USF3: variants seen among roughly 807,000 people sequenced by gnomAD.
USF3 encodes upstream transcription factor family member 3.
A neutral mutation model predicts 157.5 loss-of-function variants in USF3; 29 were observed. The ratio of observed to expected loss-of-function variants is 0.18; its 90% CI spans 0.14 to 0.25. The LOEUF (loss-of-function observed/expected upper bound fraction) is 0.25. USF3 is among the 10% of genes least tolerant of loss of function. The pLI is 1.00. For synonymous variants in USF3, 893 were observed against 941.4 expected, an observed-to-expected ratio of 0.95 and a Z score of 0.94; for missense variants, 2,381 against 2,667.6, an observed-to-expected ratio of 0.89 and a Z score of 2.37.
In USF3 at chr3:113,655,368, T is replaced by G; in HGVS notation, c.6314A>C (p.Asn2105Thr). The change falls in exon 7 of 7, where the codon AAT becomes ACT. Residue 2105 changes from asparagine (N) to threonine (T), a missense_variant. By Grantham distance (65) the Asn-to-Thr change is moderately conservative. Transcript: ENST00000316407. Reference protein sequence around the residue: ...TPALIPVDPQNTLPSFYPPYS... With the variant: ...TPALIPVDPQTTLPSFYPPYS... ...TGGAGGATAGAAGGAGGGCAGAGTA[T>G]TTTGCGGATCTACCGGGATGAGGGC... 6.2e-7 allele frequency: 1 copy of G among 1,613,958 alleles called. No individual in the cohort carries two copies. The highest frequency in any genetic ancestry group is 8.5e-7 in the Non-Finnish European group (1 of 1,179,958).
intron 6 of USF3, among the ~76,000 whole-genome samples, chr3:113,663,739 G>C (rs567755170): frequency 6.6e-6 from 1 of 152,254 alleles, no homozygotes; most frequent in East Asian, 1.9e-4. Flanking sequence ...TTTTCCCGCT[G>C]CTATAAGAAA....
In USF3 at chr3:113,688,206, C is replaced by T. The variant is rs148006406; in HGVS notation, c.-135+8164G>A. ...CGATCTTGGCTCTGTGCAACCTCCA[C>T]CTCCCGGGTTAAAGTGATTCTCTTA... is the stretch of plus-strand genomic sequence containing the variant. On this transcript the variant is annotated intron_variant, in intron 1 of 6. Transcript: ENST00000316407. Among the ~76,000 whole-genome samples the T allele has an allele frequency of 9.7e-3, 1,482 of 152,188 alleles. 22 individuals are homozygous for T. The highest frequency in any genetic ancestry group is 0.032 in the African/African-American group (1,322 of 41,506).
chr3:113,659,942 T>C lies in USF3; in HGVS notation c.1740A>G (p.Ile580Met), dbSNP rs199644196. 6.2e-7 allele frequency: 1 copy of C among 1,614,202 alleles called. No individual in the cohort carries two copies. The highest frequency in any genetic ancestry group is 1.7e-5 in the Admixed American group (1 of 60,020). The change falls in exon 7 of 7, where the codon ATA becomes ATG. Residue 580 changes from isoleucine (I) to methionine (M), a missense_variant. Physicochemically the swap from Ile to Met is conservative, Grantham distance 10 (BLOSUM62 1). Around this residue, in one of 6 missense-constraint regions of USF3, gnomAD observed 1,435 missense variants for 1,550.9 expected, o/e 0.93. Coordinates refer to ENST00000316407, the MANE Select transcript of USF3 (RefSeq NM_001009899.4). ...EVSNQTVGQQ[I>M]VIIQAANQNP... ...TCTGATTAGCAGCCTGTATGATTAC[T>C]ATCTGTTGACCTACTGTTTGGTTGG...
intron 6 of USF3, among the ~76,000 whole-genome samples, chr3:113,662,503 G>A (rs1379057451): frequency 6.6e-6 from 1 of 152,218 alleles, no homozygotes; most frequent in Non-Finnish European, 1.5e-5. Flanking sequence ...AACACCCTGT[G>A]AGGGAGCCTG....
chr3:113,681,842 C>T (rs1394948627), intron 1 of USF3, among the ~76,000 whole-genome samples: 1 of 150,492 alleles, frequency 6.6e-6, no homozygotes, highest in Non-Finnish European at 1.5e-5. Flanking sequence ...CCTCAGCCTC[C>T]CGAGTAGCTG....
In USF3 at chr3:113,657,498, C is replaced by T. The variant is rs1182910995; in HGVS notation, c.4184G>A (p.Gly1395Glu). ...TGGAAATAATCGTGTAAGGCCATCT[C>T]CATGAGCTGGGTTGCTAACAGGCAC... ...SVVPVSNPAHGDGLTRLFPPS... is the reference protein window; with the variant it reads ...SVVPVSNPAHEDGLTRLFPPS... The change falls in exon 7 of 7, where the codon GGA (glycine) becomes GAA (glutamate). Residue 1395 changes from glycine to glutamate, a missense_variant. By Grantham distance (98) the Gly-to-Glu change is moderately conservative. This residue lies in a region of USF3 where 1,435 missense variants were observed against 1,550.9 expected (regional missense o/e 0.93). Coordinates refer to ENST00000316407, the MANE Select transcript of USF3 (RefSeq NM_001009899.4). The T allele has an allele frequency of 1.9e-6, 3 of 1,614,128 alleles. No individual in the cohort carries two copies. The highest frequency in any genetic ancestry group is 2.5e-6 in the Non-Finnish European group (3 of 1,180,034).
intron 6 of USF3, among the ~76,000 whole-genome samples, chr3:113,662,216 G>C (rs1463482354): frequency 6.6e-6 from 1 of 152,220 alleles, no homozygotes; most frequent in Non-Finnish European, 1.5e-5. Flanking sequence ...AAAAGGAATA[G>C]AACACATAAG....
In USF3 at chr3:113,659,496, A is replaced by G. The variant is rs754838507; in HGVS notation, c.2186T>C (p.Leu729Ser). Residue 729 changes from leucine to serine, a missense_variant, in exon 7 of 7, where the codon TTG becomes TCG. Leu to Ser is a moderately radical substitution (Grantham distance 145). Coordinates refer to ENST00000316407, the MANE Select transcript of USF3 (RefSeq NM_001009899.4). ...SQMAGQSCVQ[L>S]SISQPANSQT... The stretch of plus-strand genomic sequence containing the variant: ...AGAATTGGCAGGCTGGCTAATAGAC[A>G]ATTGTACACAGCTTTGCCCAGCCAT... 2.5e-6 allele frequency: 4 copies of G among 1,614,234 alleles called. No homozygotes were observed.
chr3:113,657,350 A>G lies in USF3; in HGVS notation c.4332T>C (p.His1444=), dbSNP rs758610294. 3.1e-6 allele frequency: 5 copies of G among 1,613,722 alleles called. No individual in the cohort carries two copies. Among genetic ancestry groups the G allele is most frequent in the Non-Finnish European group, 4.2e-6 (5 of 1,179,858 alleles). The change falls in exon 7 of 7, where the codon CAT becomes CAC. Residue 1444 remains histidine, a synonymous_variant. Transcript: ENST00000316407. ...GGTGAGATACACCTTGAGCTGGAAC[A>G]TGCTGCTGCAGGGCCTGTAGATGCT... ...ASQHLQALQQ[H]VPAQGVSHLH... is the part of the protein sequence containing the mutation.
rs774994853 is a variant in USF3 at position 113,658,601 on chromosome 3, A to G, written c.3081T>C (p.Asp1027=). The G allele has an allele frequency of 1.9e-6, 3 of 1,613,146 alleles. No individual in the cohort carries two copies. In the Admixed American group the frequency reaches 5.0e-5, roughly 27 times the overall value. Residue 1027 remains aspartate (D), a synonymous_variant, in exon 7 of 7, where the codon GAT becomes GAC. Transcript: ENST00000316407. ...GATTTTCTGAAGAAAAGTCAGGATG[A>G]TCCATCTGATCAGAAAGAGATGATT... The part of the protein sequence containing the change: ...PQKSSLSDQM[D]HPDFSSENPK...
At chr3:113,665,762 A>C (rs1006154521) in intron 5 of USF3, among the ~76,000 whole-genome samples, 6 of 152,258 alleles carry the variant, frequency 3.9e-5, no homozygotes, top group African/African-American at 1.4e-4. Context: ...TGGGAGGCAG[A>C]GATTGCTGTG....
intron 5 of USF3, among the ~76,000 whole-genome samples, chr3:113,668,450 A>T (rs1947603393): frequency 6.6e-6 from 1 of 151,796 alleles, no homozygotes; most frequent in Admixed American, 6.6e-5. Flanking sequence ...GAAAAAATTA[A>T]TAGCTATCCC....
intron 2 of USF3, among the ~76,000 whole-genome samples, chr3:113,676,141 C>G (rs962196361): frequency 2.0e-5 from 3 of 152,186 alleles, no homozygotes; most frequent in Non-Finnish European, 4.4e-5. Context: ...TCCAAACTTT[C>G]CCACATTTTC....
Position 113,660,714 on chromosome 3 carries a change from C to G in USF3, c.968G>C (p.Ser323Thr), listed in dbSNP as rs1947468077. The change falls in exon 7 of 7, where the codon AGC becomes ACC. Residue 323 changes from serine to threonine, a missense_variant. Physicochemically the swap from Ser to Thr is moderately conservative, Grantham distance 58. Around this residue, in one of 6 missense-constraint regions of USF3, gnomAD observed 1,435 missense variants for 1,550.9 expected, o/e 0.93. Transcript: ENST00000316407. ...AAAATCACCTCTGAAGTCCTGTATG[C>G]TCAGGCAGGACTTGTTTCCATGGTG... ...KVHHGNKSCL[S>T]IQDFRGDFQN... 1 of 1,614,198 alleles carries G rather than the reference C, an allele frequency of 6.2e-7. No homozygotes were observed. Among genetic ancestry groups the G allele is most frequent in the Non-Finnish European group, 8.5e-7 (1 of 1,180,026 alleles).
At chr3:113,684,834 C>T (rs1425811092) in intron 1 of USF3, among the ~76,000 whole-genome samples, 2 of 152,088 alleles carry the variant, frequency 1.3e-5, no homozygotes, top group African/African-American at 4.8e-5. Flanking sequence ...CTCTGCCACT[C>T]TGGAATTGGT....
In USF3 at chr3:113,658,123, C is replaced by T. The variant is rs778687430; in HGVS notation, c.3559G>A (p.Gly1187Arg). The T allele has an allele frequency of 6.2e-7, 1 of 1,614,022 alleles. No individual in the cohort carries two copies. Among genetic ancestry groups the T allele is most frequent in the African/African-American group, 1.3e-5 (1 of 74,900 alleles). The change falls in exon 7 of 7, where the codon GGA becomes AGA. Residue 1187 changes from glycine (G) to arginine (R), a missense_variant. By Grantham distance (125) the Gly-to-Arg change is moderately radical. Coordinates refer to ENST00000316407, the MANE Select transcript of USF3 (RefSeq NM_001009899.4). Reference protein sequence around the residue: ...KSQIPKESGTGQAEATPNEFN... With the variant: ...KSQIPKESGTRQAEATPNEFN... ...TCATTTGGTGTTGCTTCTGCCTGTC[C>T]TGTGCCACTCTCTTTAGGTATCTGT...
In USF3 at chr3:113,659,512, G is replaced by T. The variant is rs765025068; in HGVS notation, c.2170C>A (p.Gln724Lys). The T allele has an allele frequency of 6.8e-6, 11 of 1,614,086 alleles. No homozygotes were observed. In the East Asian group the frequency reaches 2.5e-4, roughly 36 times the overall value. Residue 724 changes from glutamine (Q) to lysine (K), a missense_variant, in exon 7 of 7, where the codon CAA (glutamine) becomes AAA (lysine). By Grantham distance (53) the Gln-to-Lys change is moderately conservative (BLOSUM62 1). Coordinates refer to ENST00000316407, the MANE Select transcript of USF3 (RefSeq NM_001009899.4). ...CTAATAGACAATTGTACACAGCTTT[G>T]CCCAGCCATCTGTGATATGCTTTGA... ...LNQSISQMAG[Q>K]SCVQLSISQP... is the part of the protein sequence containing the mutation.
At position 113,654,117 on chromosome 3, in the gene USF3, A is replaced by T. The variant is rs193149911; in HGVS notation, c.*827T>A. 6.4e-4 allele frequency: 98 copies of T among 152,782 alleles called. No individual in the cohort carries two copies. The East Asian group carries it at 6.9e-3, about 11-fold the overall frequency. 9.5% of individuals were successfully genotyped at this position (152,782 alleles called of 1,614,324 possible). A position where few individuals can be genotyped will look rare whatever the true frequency, so the allele number is the denominator to read the frequency against. On this transcript the variant is annotated 3_prime_UTR_variant, in exon 7 of 7. Coordinates refer to ENST00000316407, the MANE Select transcript of USF3 (RefSeq NM_001009899.4). ...CTCAGCTGATGAAACATCCATTGTT[A>T]ACTGCACCCATGCAAAACTCCACAA...
intron 1 of USF3, among the ~76,000 whole-genome samples, chr3:113,682,934 A>T: frequency 2.3e-5 from 3 of 132,576 alleles, no homozygotes; most frequent in South Asian, 2.4e-4. Flanking sequence ...CAGCCACTCT[A>T]TGTCTTTGGA....
Sources: gnomAD v4.1 joint callset for allele counts (sites outside exome capture counted in the v4.1 genomes callset) on GRCh38, gnomAD v4.1.1 for gene constraint, gnomAD v4.1.1 regional missense constraint, MANE v1.5 for transcripts, NCBI Gene and HGNC (gene_info 2026-07-23, HGNC 2026-07-21) for gene names.